The following LAMA3 variants were observed in gnomAD, a reference collection of about 807,000 sequenced individuals.
LAMA3 encodes the protein laminin subunit alpha-3.
LAMA3 carries 281 observed loss-of-function variants against 402.0 expected under a neutral mutation model. The ratio of observed to expected loss-of-function variants is 0.70; its 90% CI spans 0.63 to 0.77. LAMA3 has a LOEUF of 0.77. LAMA3 is among the 30% of genes least tolerant of loss of function. The pLI is 0.00. For missense variants in LAMA3, 3,840 were observed against 4,215.5 expected (o/e 0.91, Z 2.47); for synonymous variants, 1,431 against 1,558.4 (o/e 0.92, Z 1.93).
chr18:23,771,115 A>G (rs1403950284), intron 8 of LAMA3, among the ~76,000 whole-genome samples: 1 of 152,266 alleles, frequency 6.6e-6, no homozygotes, highest in African/African-American at 2.4e-5. Context: ...AAAAGTTTAT[A>G]GTAGCTTTAT....
Position 23,842,611 on chromosome 18 carries a change from G to T in LAMA3, c.3464G>T (p.Gly1155Val). ...GAAAGTCTCTCTCTCTCTCTGCCAG[G>T]CTCCTTCCATGCCTCTTTTTGCCCC... ...VSVDGGWPRA[G>V]SFHASFCPHV... is the part of the protein sequence containing the mutation. Residue 1155 changes from glycine to valine, a missense_variant and splice_region_variant, in exon 29 of 75, where the codon GGC becomes GTC. Coordinates refer to ENST00000313654, the MANE Select transcript of LAMA3 (RefSeq NM_198129.4). 2.5e-6 allele frequency: 4 copies of T among 1,614,188 alleles called. No homozygotes were observed. The South Asian group carries it at 4.4e-5, about 18-fold the overall frequency.
intron 12 of LAMA3, among the ~76,000 whole-genome samples, chr18:23,790,303 A>T (rs1209037678): frequency 6.6e-6 from 1 of 152,240 alleles, no homozygotes; most frequent in African/African-American, 2.4e-5. Context: ...TTACAATGAA[A>T]TAGGATAGAC....
Position 23,945,788 on chromosome 18 carries a change from T to A in LAMA3, c.9211-356T>A, listed in dbSNP as rs191623014. Among the ~76,000 whole-genome samples the A allele has an allele frequency of 8.3e-3, 1,261 of 152,332 alleles. 11 individuals carry two copies. The highest frequency in any genetic ancestry group is 0.066 in the South Asian group (319 of 4,832). On this transcript the variant is annotated intron_variant, in intron 69 of 74. Coordinates refer to ENST00000313654, the MANE Select transcript of LAMA3 (RefSeq NM_198129.4). ...TCCAACACACCCCCGTCCCCAGCAC[T>A]GTATAAACTGTCCCTGCCCCTTTGT...
chr18:23,951,903 C>G (rs931128428), intron 73 of LAMA3, 126 bp downstream of exon 73: 9 of 731,986 alleles, frequency 1.2e-5, no homozygotes, highest in Non-Finnish European at 2.0e-5. Context: ...GCCCCCGAGG[C>G]TAACGTGTCC....
At chr18:23,775,476 C>T (rs2062294260) in intron 9 of LAMA3, among the ~76,000 whole-genome samples, 1 of 151,992 alleles carries the variant, frequency 6.6e-6, no homozygotes, top group Admixed American at 6.5e-5. Flanking sequence ...ATACCCCCAC[C>T]CCCACCCCCA....
chr18:23,768,086 G>T (rs1158634930), intron 8 of LAMA3, among the ~76,000 whole-genome samples: 1 of 151,760 alleles, frequency 6.6e-6, no homozygotes, highest in African/African-American at 2.4e-5. Context: ...ATAATTTATG[G>T]CTAAGTTCTC....
chr18:23,755,110 TCCTATCTC>T (rs1335968074), intron 6 of LAMA3, among the ~76,000 whole-genome samples: 3 of 152,222 alleles, frequency 2.0e-5, no homozygotes, highest in Non-Finnish European at 4.4e-5. Flanking sequence ...CCCTGTAATC[TCCTATCTC>T]CCTAAGACAC....
intron 62 of LAMA3, among the ~76,000 whole-genome samples, chr18:23,927,715 C>A (rs2082046774): frequency 6.6e-6 from 1 of 152,154 alleles, no homozygotes; most frequent in African/African-American, 2.4e-5. Context: ...CTGGTTCCTA[C>A]AAATGATTTA....
rs2063102230 is a variant in LAMA3, at chr18:23,812,945, A to G, written c.1742-112A>G. ...AGACTTTGCCACACATCTATCGAAA[A>G]TATAAATGTAGATACACTATTTTTG... On this transcript the variant is annotated intron_variant, in intron 13 of 74. Transcript: ENST00000313654. The G allele has an allele frequency of 6.6e-6, 5 of 753,546 alleles. No homozygotes were observed. In the Admixed American group the frequency reaches 1.0e-4, roughly 15 times the overall value. 46.7% of individuals were successfully genotyped at this position (753,546 alleles called of 1,614,324 possible).
In LAMA3 at chr18:23,943,823, C is replaced by G; in HGVS notation, c.9062C>G (p.Ser3021Cys). 1 of 1,613,984 alleles carries G rather than the reference C, an allele frequency of 6.2e-7. No homozygotes were observed. The highest frequency in any genetic ancestry group is 1.7e-4 in the Middle Eastern group (1 of 6,060). ...GCTGTGGACATGCAGACAACATCCT[C>G]CAGAGGACTGGTGTTTCACACGGGC... ...QFAVDMQTTS[S>C]RGLVFHTGTK... Residue 3021 changes from serine to cysteine, a missense_variant, in exon 69 of 75, where the codon TCC (serine) becomes TGC (cysteine). Ser to Cys is a moderately radical substitution (Grantham distance 112, BLOSUM62 -1). Around this residue, in one of 3 missense-constraint regions of LAMA3, gnomAD observed 840 missense variants for 981.9 expected, o/e 0.86. Coordinates refer to ENST00000313654, the MANE Select transcript of LAMA3 (RefSeq NM_198129.4).
At chr18:23,767,578 C>CTTTT (rs71163640) in intron 8 of LAMA3, among the ~76,000 whole-genome samples, 3 of 125,794 alleles carry the variant, frequency 2.4e-5, no homozygotes, top group South Asian at 2.5e-4. Flanking sequence ...TCTTTCTTTT[C>CTTTT]TTTTTTTTTT....
intron 39 of LAMA3, among the ~76,000 whole-genome samples, chr18:23,876,785 G>A (rs2064733463): frequency 1.3e-5 from 2 of 152,182 alleles, no homozygotes; most frequent in Non-Finnish European, 2.9e-5. Flanking sequence ...GGGGCTTGTT[G>A]CTGTCAGATG....
intron 1 of LAMA3, among the ~76,000 whole-genome samples, chr18:23,699,517 T>A (rs193092820): frequency 3.9e-5 from 6 of 152,342 alleles, no homozygotes; most frequent in African/African-American, 9.6e-5. Context: ...TCAGACTATC[T>A]CCTTGAGGAA....
chr18:23,843,722 C>T (rs764249256), intron 29 of LAMA3, among the ~76,000 whole-genome samples: 6 of 152,186 alleles, frequency 3.9e-5, no homozygotes, highest in South Asian at 4.1e-4. Context: ...CTAGGATCCA[C>T]GTGCCTCACT....
At chr18:23,805,341 C>T (rs912680164) in intron 12 of LAMA3, among the ~76,000 whole-genome samples, 4 of 152,216 alleles carry the variant, frequency 2.6e-5, no homozygotes, top group African/African-American at 9.6e-5. Context: ...GGAATCACCA[C>T]CCCTGCATCT....
chr18:23,779,291 AGAAG>A (rs2062388304), intron 11 of LAMA3, among the ~76,000 whole-genome samples: 3 of 152,182 alleles, frequency 2.0e-5, no homozygotes, highest in Admixed American at 6.5e-5. Context: ...AGAAGAGAAG[AGAAG>A]AGAAGAAGCA....
chr18:23,941,341 G>T (rs867413467), intron 68 of LAMA3, among the ~76,000 whole-genome samples: 17 of 30,548 alleles, frequency 5.6e-4, no homozygotes, highest in South Asian at 3.1e-3. Context: ...CCCCCCGCCC[G>T]GCAGCTTCTC....
chr18:23,814,960 G>A (rs1257163913), intron 15 of LAMA3, among the ~76,000 whole-genome samples: 1 of 152,204 alleles, frequency 6.6e-6, no homozygotes. Flanking sequence ...TCATGAAGTA[G>A]CCATGAACTA....
At chr18:23,711,548 A>G (rs73967138) in intron 1 of LAMA3, among the ~76,000 whole-genome samples, 1,695 of 152,318 alleles carry the variant, frequency 0.011, 28 homozygotes, top group African/African-American at 0.039. Context: ...GTTAGTGATT[A>G]TGCATGGATG....
Sources: allele counts gnomAD v4.1 joint callset (sites outside exome capture counted in the v4.1 genomes callset), GRCh38; gene constraint gnomAD v4.1.1; regional missense constraint gnomAD v4.1.1; transcripts MANE v1.5; gene names NCBI Gene and HGNC (gene_info 2026-07-23, HGNC 2026-07-21).